Variants in DIP2B observed in about 807,000 individuals in gnomAD.
DIP2B encodes the protein disco-interacting protein 2 homolog B.
A neutral mutation model predicts 198.0 loss-of-function variants in DIP2B; 76 were observed. The observed-to-expected ratio is 0.38, with a 90% CI of 0.32 to 0.46. DIP2B has a LOEUF of 0.46. Ranked by LOEUF, DIP2B falls within the 20% of genes least tolerant of loss-of-function variation. The pLI is 0.99. For synonymous variants in DIP2B, 701 were observed against 739.1 expected (o/e 0.95, Z 0.84); for missense variants, 1,559 against 1,978.4 (o/e 0.79, Z 4.02).
intron 10 of DIP2B, among the ~76,000 whole-genome samples, chr12:50,683,644 G>A (rs1018767526): frequency 5.3e-5 from 8 of 152,142 alleles, no homozygotes; most frequent in Non-Finnish European, 7.4e-5. Flanking sequence ...TTAGTTGGGC[G>A]TGGTGGCGGG....
chr12:50,563,694 C>T (rs1958539751), intron 1 of DIP2B, among the ~76,000 whole-genome samples: 1 of 151,798 alleles, frequency 6.6e-6, no homozygotes, highest in Admixed American at 6.6e-5. Flanking sequence ...TGGGGTGTCA[C>T]TATATTGCCC....
At chr12:50,679,034 C>T in intron 8 of DIP2B, 158 bp downstream of exon 8, 1 of 806,554 alleles carries the variant, frequency 1.2e-6, no homozygotes, top group Non-Finnish European at 1.9e-6. Context: ...AAGCTATTGC[C>T]AAATATTTTC....
intron 1 of DIP2B, among the ~76,000 whole-genome samples, chr12:50,620,835 A>T (rs1937797778): frequency 6.6e-6 from 1 of 152,204 alleles, no homozygotes; most frequent in Non-Finnish European, 1.5e-5. Context: ...CCCAGCCAGC[A>T]TTCTTCCCCC....
chr12:50,609,679 A>C (rs903601410), intron 1 of DIP2B, among the ~76,000 whole-genome samples: 3 of 152,216 alleles, frequency 2.0e-5, no homozygotes, highest in Admixed American at 2.0e-4. Context: ...GTACCTACCT[A>C]TGAGGGGACT....
chr12:50,678,656 T>G (rs1373897879), intron 7 of DIP2B, 23 bp from the exon 8 acceptor site: 2 of 1,606,530 alleles, frequency 1.2e-6, no homozygotes, highest in East Asian at 2.2e-5. Context: ...CTCATTTCAC[T>G]CATTGGGATT....
In DIP2B at chr12:50,693,020, T is replaced by G; in HGVS notation, c.1719+7T>G. ...GTGGCACGGCATGTTTGCGGTAAGC[T>G]ACTCAGATTTAAGGCCCTTAGTGTA... On this transcript the variant is annotated splice_region_variant and intron_variant, in intron 14 of 37. Transcript: ENST00000301180. 2.5e-6 allele frequency: 4 copies of G among 1,609,440 alleles called. No individual in the cohort carries two copies. The highest frequency in any genetic ancestry group is 3.4e-6 in the Non-Finnish European group (4 of 1,178,822).
intron 1 of DIP2B, among the ~76,000 whole-genome samples, chr12:50,525,188 T>A (rs947384231): frequency 1.6e-4 from 24 of 151,948 alleles, no homozygotes; most frequent in Admixed American, 5.9e-4. Flanking sequence ...AAACCCCATC[T>A]CTACTAAAAA....
At chr12:50,728,791 G>C (rs990108274) in intron 30 of DIP2B, 113 bp downstream of exon 30, 2 of 1,251,412 alleles carry the variant, frequency 1.6e-6, no homozygotes, top group African/African-American at 2.9e-5. Context: ...TAAAATGCTA[G>C]TGTTTCCAGA....
chr12:50,623,639 A>AT (rs1485386860), intron 1 of DIP2B, among the ~76,000 whole-genome samples: 2 of 152,034 alleles, frequency 1.3e-5, no homozygotes, highest in African/African-American at 2.4e-5. Context: ...GTTTTTAAAA[A>AT]TTTTTTTAAT....
At chr12:50,742,686 A>G (rs1316480417) in intron 37 of DIP2B, among the ~76,000 whole-genome samples, 1 of 152,170 alleles carries the variant, frequency 6.6e-6, no homozygotes, top group African/African-American at 2.4e-5. Context: ...ACCTGAGGTC[A>G]GGAGTTCAAG....
At chr12:50,698,962 C>A in intron 18 of DIP2B, 104 bp from the exon 19 acceptor site, 2 of 1,295,804 alleles carry the variant, frequency 1.5e-6, no homozygotes, top group Non-Finnish European at 2.1e-6. Flanking sequence ...TACTTAATGC[C>A]ACTCAGTAAA....
chr12:50,533,945 T>C (rs896984955), intron 1 of DIP2B, among the ~76,000 whole-genome samples: 3 of 152,082 alleles, frequency 2.0e-5, no homozygotes, highest in Admixed American at 6.6e-5. Flanking sequence ...GAAACTTTTT[T>C]CCCCCCTGTG....
At chr12:50,677,546 C>T (rs1482839997) in intron 7 of DIP2B, among the ~76,000 whole-genome samples, 3 of 151,966 alleles carry the variant, frequency 2.0e-5, no homozygotes, top group African/African-American at 4.8e-5. Context: ...ACCTGGGAGG[C>T]GGAGGTTGCA....
intron 1 of DIP2B, among the ~76,000 whole-genome samples, chr12:50,556,115 G>A (rs561495985): frequency 2.6e-5 from 4 of 151,518 alleles, no homozygotes; most frequent in East Asian, 2.0e-4. Flanking sequence ...GTGCAGTGGC[G>A]CGACGCTCAC....
intron 1 of DIP2B, among the ~76,000 whole-genome samples, chr12:50,562,060 A>C (rs1958523431): frequency 6.6e-6 from 1 of 152,240 alleles, no homozygotes; most frequent in East Asian, 1.9e-4. Flanking sequence ...AGAATAAATA[A>C]GGTATCATTC....
At chr12:50,657,605 A>G (rs1004879898) in intron 3 of DIP2B, among the ~76,000 whole-genome samples, 1 of 152,094 alleles carries the variant, frequency 6.6e-6, no homozygotes, top group Non-Finnish European at 1.5e-5. Context: ...CAGCCTGGGC[A>G]ATGTAGTGAC....
chr12:50,583,181 T>C (rs1958740642), intron 1 of DIP2B, among the ~76,000 whole-genome samples: 1 of 152,182 alleles, frequency 6.6e-6, no homozygotes, highest in Non-Finnish European at 1.5e-5. Flanking sequence ...ACATATCTTT[T>C]CCTCAAACCC....
chr12:50,717,755 A>G (rs939102259), intron 23 of DIP2B, among the ~76,000 whole-genome samples: 1 of 150,088 alleles, frequency 6.7e-6, no homozygotes, highest in Non-Finnish European at 1.5e-5. Context: ...TACCAGGCTA[A>G]TATTTTTGTA....
At chr12:50,607,798 G>GT (rs997419969) in intron 1 of DIP2B, among the ~76,000 whole-genome samples, 28 of 152,114 alleles carry the variant, frequency 1.8e-4, no homozygotes, top group African/African-American at 6.0e-4. Flanking sequence ...TTATTTGTTT[G>GT]TTTGTTTTGT....
Sources: gnomAD v4.1 joint callset for allele counts (sites outside exome capture counted in the v4.1 genomes callset) on GRCh38, gnomAD v4.1.1 for gene constraint, MANE v1.5 for transcripts, NCBI Gene and HGNC (gene_info 2026-07-23, HGNC 2026-07-21) for gene names.